The following GALNTL6 variants were observed in gnomAD, a reference collection of about 807,000 sequenced individuals.
GALNTL6 encodes the protein polypeptide N-acetylgalactosaminyltransferase-like 6.
GALNTL6 carries 46 observed loss-of-function variants against 73.7 expected under a neutral mutation model. That is an observed-to-expected ratio of 0.62 (90% CI 0.49 to 0.80). GALNTL6 has a LOEUF of 0.80. Ranked by LOEUF, GALNTL6 falls within the 30% of genes least tolerant of loss-of-function variation. The pLI, the probability that GALNTL6 is intolerant of heterozygous loss-of-function variation, is 0.00. For synonymous variants in GALNTL6, 259 were observed against 263.7 expected, an observed-to-expected ratio of 0.98 and a Z score of 0.17; for missense variants, 604 against 755.0, an observed-to-expected ratio of 0.80 and a Z score of 2.34.
chr4:172,870,620 A>G (rs1293096049), intron 7 of GALNTL6, among the ~76,000 whole-genome samples: 1 of 152,208 alleles, frequency 6.6e-6, no homozygotes, highest in Non-Finnish European at 1.5e-5. Flanking sequence ...GCTCCTCAAA[A>G]CTTTAAGGTG....
At chr4:171,977,682 G>T (rs1739762424) in intron 2 of GALNTL6, among the ~76,000 whole-genome samples, 1 of 152,134 alleles carries the variant, frequency 6.6e-6, no homozygotes, top group Non-Finnish European at 1.5e-5. Flanking sequence ...TTGTGAGGGT[G>T]ACACAACTCA....
intron 2 of GALNTL6, among the ~76,000 whole-genome samples, chr4:172,120,012 T>A (rs557458446): frequency 1.3e-5 from 2 of 152,252 alleles, no homozygotes; most frequent in South Asian, 4.1e-4. Context: ...CAGACTAATA[T>A]ATGTAAAATT....
intron 5 of GALNTL6, among the ~76,000 whole-genome samples, chr4:172,439,007 G>A (rs902071389): frequency 5.9e-5 from 9 of 151,712 alleles, no homozygotes; most frequent in African/African-American, 7.3e-5. Context: ...TTTACCTCTC[G>A]AGGACACTAC....
intron 2 of GALNTL6, among the ~76,000 whole-genome samples, chr4:172,174,269 T>A (rs1253155862): frequency 6.6e-6 from 1 of 152,104 alleles, no homozygotes; most frequent in African/African-American, 2.4e-5. Flanking sequence ...AAATGTGAGG[T>A]GAAAAAAAGA....
intron 2 of GALNTL6, among the ~76,000 whole-genome samples, chr4:172,100,242 A>G (rs1340420919): frequency 6.6e-6 from 1 of 152,228 alleles, no homozygotes; most frequent in Admixed American, 6.5e-5. Context: ...ATAAGATTCT[A>G]TGTGCAAGAT....
chr4:172,667,095 TACTC>T lies in GALNTL6; in HGVS notation c.554-142261_554-142258del, dbSNP rs985089126. ...GTTCAGGCTGTGTCCTCAAATCCTCTACTCACTCCTTTCTAGGCTTTCCCTATCA... is the reference window on the plus strand; with the variant it reads ...GTTCAGGCTGTGTCCTCAAATCCTCTACTCCTTTCTAGGCTTTCCCTATCA... On this transcript the variant is annotated intron_variant, in intron 5 of 12. Coordinates refer to ENST00000506823, the MANE Select transcript of GALNTL6 (RefSeq NM_001034845.3). 9.8e-5 allele frequency: 15 copies of T among 152,358 alleles called. 1 individual carries two copies. Among genetic ancestry groups the T allele is most frequent in the African/African-American group, 3.4e-4 (14 of 41,596 alleles). The allele number at this position is 152,358 out of a possible 1,614,324, so 9.4% of individuals were successfully genotyped here.
At chr4:173,028,584 A>T (rs776470348) in intron 12 of GALNTL6, among the ~76,000 whole-genome samples, 50 of 152,120 alleles carry the variant, frequency 3.3e-4, no homozygotes, top group Non-Finnish European at 4.4e-4. Context: ...AGAACTTTTT[A>T]AAAAATGTCT....
At chr4:171,963,007 C>A (rs1434861666) in intron 2 of GALNTL6, among the ~76,000 whole-genome samples, 1 of 151,412 alleles carries the variant, frequency 6.6e-6, no homozygotes, top group Non-Finnish European at 1.5e-5. Flanking sequence ...ACCTTGTGAT[C>A]CGCCCACCTT....
At chr4:172,384,742 C>T (rs548052132) in intron 5 of GALNTL6, among the ~76,000 whole-genome samples, 89 of 151,864 alleles carry the variant, frequency 5.9e-4, no homozygotes, top group African/African-American at 1.8e-3. Context: ...CATAAATTTC[C>T]CTTTAAAGAA....
intron 2 of GALNTL6, among the ~76,000 whole-genome samples, chr4:172,019,960 T>G (rs1741345060): frequency 6.6e-6 from 1 of 152,152 alleles, no homozygotes; most frequent in African/African-American, 2.4e-5. Flanking sequence ...TGAAATAATA[T>G]TAAGCATCTT....
chr4:172,097,608 C>T (rs1732390846), intron 2 of GALNTL6, among the ~76,000 whole-genome samples: 1 of 152,076 alleles, frequency 6.6e-6, no homozygotes, highest in Admixed American at 6.6e-5. Context: ...CATTTTAGAA[C>T]CATGAAAATT....
chr4:172,231,206 A>G (rs114685870), intron 3 of GALNTL6, among the ~76,000 whole-genome samples: 1,526 of 152,204 alleles, frequency 0.01, 28 homozygotes, highest in African/African-American at 0.035. Flanking sequence ...TCAACCCTAT[A>G]TTAATCCAAC....
At chr4:172,628,854 G>A (rs2111089362) in intron 5 of GALNTL6, among the ~76,000 whole-genome samples, 1 of 151,808 alleles carries the variant, frequency 6.6e-6, no homozygotes, top group East Asian at 1.9e-4. Context: ...ACCTTTCTTG[G>A]TAATTTTTGA....
intron 4 of GALNTL6, among the ~76,000 whole-genome samples, chr4:172,337,509 GA>G (rs1366017158): frequency 2.0e-5 from 3 of 151,992 alleles, no homozygotes; most frequent in Admixed American, 2.0e-4. Flanking sequence ...TATATGTCTG[GA>G]AAATGTTTCT....
At chr4:172,471,952 A>G (rs1413331360) in intron 5 of GALNTL6, among the ~76,000 whole-genome samples, 23 of 152,284 alleles carry the variant, frequency 1.5e-4, no homozygotes. Context: ...TCTCTCTAAT[A>G]TCCAACAATG....
At chr4:171,896,524 G>A (rs539006744) in intron 2 of GALNTL6, among the ~76,000 whole-genome samples, 83 of 152,318 alleles carry the variant, frequency 5.4e-4, no homozygotes, top group Non-Finnish European at 9.3e-4. Flanking sequence ...TGGAGCCTAG[G>A]AAGTTCCAGT....
chr4:172,658,165 A>AAG (rs1731165340), intron 5 of GALNTL6, among the ~76,000 whole-genome samples: 1 of 121,620 alleles, frequency 8.2e-6, no homozygotes, highest in Non-Finnish European at 1.7e-5. Flanking sequence ...AAAAAAAAAA[A>AAG]AAAAGAAATA....
rs546786329 is a variant in GALNTL6, at chr4:171,944,985, T to C, written c.138+130267T>C. On this transcript the variant is annotated intron_variant, in intron 2 of 12. Transcript: ENST00000506823. ...TTTTTCAATCAGAAGTAAAAGAGTATAGAAAATATTAGTGGCAGGACAATG... is the reference window on the plus strand; with the variant it reads ...TTTTTCAATCAGAAGTAAAAGAGTACAGAAAATATTAGTGGCAGGACAATG... 2.0e-5 allele frequency among the ~76,000 whole-genome samples: 3 copies of C among 152,146 alleles called. No homozygotes were observed. The South Asian group carries it at 6.2e-4, about 32-fold the overall frequency.
chr4:171,876,578 G>A (rs1418010102), intron 2 of GALNTL6, among the ~76,000 whole-genome samples: 3 of 152,182 alleles, frequency 2.0e-5, no homozygotes, highest in Admixed American at 1.3e-4. Context: ...AAAGTCACAT[G>A]AACGGTGGAA....
Sources: gnomAD v4.1 joint callset for allele counts (sites outside exome capture counted in the v4.1 genomes callset) on GRCh38, gnomAD v4.1.1 for gene constraint, MANE v1.5 for transcripts, NCBI Gene and HGNC (gene_info 2026-07-23, HGNC 2026-07-21) for gene names.